NEU3: variants seen among roughly 807,000 people sequenced by gnomAD.
NEU3 encodes neuraminidase 3, also known as sialidase-3.
In NEU3, 10 loss-of-function variants were observed where a neutral mutation model predicts 11.4. The observed-to-expected ratio is 0.88, with a 90% confidence interval of 0.54 to 1.49. The LOEUF (loss-of-function observed/expected upper bound fraction) is 1.49. Ranked by LOEUF, NEU3 falls within the 40% of genes most tolerant of loss-of-function variation. The pLI is 0.00. For synonymous variants in NEU3, 212 were observed against 228.2 expected (o/e 0.93, Z 0.64); for missense variants, 529 against 581.8 (o/e 0.91, Z 0.93).
intron 3 of NEU3, among the ~76,000 whole-genome samples, chr11:75,018,485 T>C (rs1948990064): frequency 6.6e-6 from 1 of 152,136 alleles, no homozygotes; most frequent in African/African-American, 2.4e-5. Flanking sequence ...AAGACTTGAC[T>C]GGCCTAGCCT....
Position 75,006,155 on chromosome 11 carries a change from TG to T in NEU3, c.1051del (p.Glu351ArgfsTer26). ...AGCTCTCCAGGCAGTTCACTGAGGC[TG>T]GAGGAGGAAGCTGGAACACCGTCAG... ...QQSSPGSSLR[L>X]EEEAGTPSES... On this transcript the variant is annotated frameshift_variant, in exon 3 of 3. Transcript: ENST00000294064. LOFTEE classifies it low-confidence loss of function (END_TRUNC). The T allele has an allele frequency of 6.2e-7, 1 of 1,613,990 alleles. No individual in the cohort carries two copies. Among genetic ancestry groups the T allele is most frequent in the Non-Finnish European group, 8.5e-7 (1 of 1,179,882 alleles).
chr11:74,985,136 TC>T (rs1948657925), upstream of NEU3, among the ~76,000 whole-genome samples: 1 of 152,176 alleles, frequency 6.6e-6, no homozygotes, highest in African/African-American at 2.4e-5. Flanking sequence ...AAATTTGAGA[TC>T]CACAGAGTTG....
At chr11:75,000,232 T>A (rs529739229) in intron 2 of NEU3, among the ~76,000 whole-genome samples, 1 of 152,128 alleles carries the variant, frequency 6.6e-6, no homozygotes, top group African/African-American at 2.4e-5. Flanking sequence ...AAAAAAAAAA[T>A]TAATTGTAGT....
intron 1 of NEU3, among the ~76,000 whole-genome samples, chr11:74,992,788 G>A (rs748149017): frequency 2.6e-5 from 4 of 152,052 alleles, no homozygotes; most frequent in Non-Finnish European, 5.9e-5. Context: ...GGTGAAACCC[G>A]TCTCTGCTAA....
At chr11:74,990,870 G>A (rs1008843416) in intron 1 of NEU3, among the ~76,000 whole-genome samples, 1 of 152,124 alleles carries the variant, frequency 6.6e-6, no homozygotes, top group Non-Finnish European at 1.5e-5. Context: ...TTTAAGAAAG[G>A]GAGTTGTAAT....
In NEU3 at chr11:75,009,309, G is replaced by A. The variant is rs1948932162; in HGVS notation, c.*2817G>A. On this transcript the variant is annotated 3_prime_UTR_variant, in exon 3 of 3. Transcript: ENST00000294064. ...GTTCCCTGAAACCTGTGGGAAGGAA[G>A]AGAGACCTGCACAGGCCGGCACTTA... is the stretch of plus-strand genomic sequence containing the variant. The A allele has an allele frequency of 6.6e-6, 1 of 152,338 alleles. No homozygotes were observed. The highest frequency in any genetic ancestry group is 1.5e-5 in the Non-Finnish European group (1 of 68,138). 9.4% of individuals were successfully genotyped at this position (152,338 alleles called of 1,614,324 possible).
At chr11:75,018,073 C>T (rs1054697135) in intron 3 of NEU3, among the ~76,000 whole-genome samples, 1 of 151,972 alleles carries the variant, frequency 6.6e-6, no homozygotes, top group Non-Finnish European at 1.5e-5. Context: ...CTCTCCCCAC[C>T]CACCCACTGC....
chr11:74,997,275 G>T (rs1281707143), intron 2 of NEU3, among the ~76,000 whole-genome samples: 1 of 152,158 alleles, frequency 6.6e-6, no homozygotes, highest in Non-Finnish European at 1.5e-5. Context: ...GCTTCACCTT[G>T]CCCTTTTAAG....
At chr11:74,990,001 G>C (rs1948712879) in intron 1 of NEU3, 2 of 702,394 alleles carry the variant, frequency 2.8e-6, no homozygotes, top group African/African-American at 3.5e-5. Flanking sequence ...GGCAATGCCA[G>C]AATCACCATC....
At chr11:74,983,212 T>C in the NEU3 span, among the ~76,000 whole-genome samples, 1 of 152,156 alleles carries the variant, frequency 6.6e-6, no homozygotes, top group African/African-American at 2.4e-5. Flanking sequence ...TCTAAACATT[T>C]AATGTACTGC....
At chr11:75,012,052 T>G (rs1455623011), downstream of NEU3, among the ~76,000 whole-genome samples, 1 of 152,198 alleles carries the variant, frequency 6.6e-6, no homozygotes, top group African/African-American at 2.4e-5. Context: ...AACATCATGA[T>G]CTGGCAGTTT....
At chr11:74,995,108 T>C (rs1290350692) in intron 2 of NEU3, 1 of 499,832 alleles carries the variant, frequency 2.0e-6, no homozygotes, top group Admixed American at 3.4e-5. Context: ...TCATTTATAT[T>C]CCATTTAATC....
chr11:75,006,170 G>C lies in NEU3; in HGVS notation c.1064G>C (p.Gly355Ala). 2 of 1,614,018 alleles carry C rather than the reference G, an allele frequency of 1.2e-6. No individual in the cohort carries two copies. Among genetic ancestry groups the C allele is most frequent in the Non-Finnish European group, 1.7e-6 (2 of 1,179,894 alleles). ...TCACTGAGGCTGGAGGAGGAAGCTGGAACACCGTCAGAATCATGGCTCTTG... is the reference window on the plus strand; with the variant it reads ...TCACTGAGGCTGGAGGAGGAAGCTGCAACACCGTCAGAATCATGGCTCTTG... ...GSSLRLEEEA[G>A]TPSESWLLYS... The change falls in exon 3 of 3, where the codon GGA (glycine) becomes GCA (alanine). Residue 355 changes from glycine (G) to alanine (A), a missense_variant. By Grantham distance (60) the Gly-to-Ala change is moderately conservative. Transcript: ENST00000294064.
Position 75,005,670 on chromosome 11 carries a change from C to G in NEU3, c.564C>G (p.His188Gln), listed in dbSNP as rs1565497273. ...AGGTCATTGGCTCAGAGCTGAAGCA[C>G]TGGGCCACATTTGCTGTGGGCCCAG... The part of the protein sequence containing the change: ...TEEVIGSELK[H>Q]WATFAVGPGH... The change falls in exon 3 of 3, where the codon CAC (histidine) becomes CAG (glutamine). Residue 188 changes from histidine (H) to glutamine (Q), a missense_variant. His to Gln is a conservative substitution (Grantham distance 24). Transcript: ENST00000294064. 6.2e-7 allele frequency: 1 copy of G among 1,614,052 alleles called. No individual in the cohort carries two copies. The highest frequency in any genetic ancestry group is 8.5e-7 in the Non-Finnish European group (1 of 1,179,912).
chr11:74,984,901 A>G (rs376955051), upstream of NEU3, among the ~76,000 whole-genome samples: 204 of 152,260 alleles, frequency 1.3e-3, no homozygotes, highest in African/African-American at 4.8e-3. Context: ...CTGAACCATG[A>G]GTGAGGAGTT....
chr11:74,999,293 G>C (rs889345189), intron 2 of NEU3, among the ~76,000 whole-genome samples: 2 of 152,174 alleles, frequency 1.3e-5, no homozygotes, highest in African/African-American at 4.8e-5. Context: ...ACTACAGGCA[G>C]GTGCCACTGA....
Position 74,989,051 on chromosome 11 carries a change from GC to G in NEU3, c.-9del. ...GCCTTGGGGCCGGTGCCTCTTCCGGGCTTCGGCGAATGAGACCTGCGGACCT... is the reference window on the plus strand; with the variant it reads ...GCCTTGGGGCCGGTGCCTCTTCCGGGTTCGGCGAATGAGACCTGCGGACCT... On this transcript the variant is annotated 5_prime_UTR_variant, in exon 1 of 3. Transcript: ENST00000294064. 3 of 1,549,298 alleles carry G rather than the reference GC, an allele frequency of 1.9e-6. No individual in the cohort carries two copies. Among genetic ancestry groups the G allele is most frequent in the Non-Finnish European group, 2.6e-6 (3 of 1,146,286 alleles).
chr11:74,992,109 G>C (rs1326485307), intron 1 of NEU3, among the ~76,000 whole-genome samples: 1 of 152,328 alleles, frequency 6.6e-6, no homozygotes, highest in East Asian at 1.9e-4. Context: ...GAAGGTGAGG[G>C]AGCGTTATGT....
chr11:74,989,471 C>G (rs1177359222), intron 1 of NEU3, among the ~76,000 whole-genome samples: 1 of 152,138 alleles, frequency 6.6e-6, no homozygotes, highest in Non-Finnish European at 1.5e-5. Context: ...AGACCTGGGT[C>G]TTGGTCCAGA....
Sources: gnomAD v4.1 joint callset for allele counts (sites outside exome capture counted in the v4.1 genomes callset) on GRCh38, gnomAD v4.1.1 for gene constraint, MANE v1.5 for transcripts, NCBI Gene and HGNC (gene_info 2026-07-23, HGNC 2026-07-21) for gene names.